The following CSMD1 variants were observed in gnomAD, a reference collection of about 807,000 sequenced individuals.
CSMD1 encodes CUB and Sushi multiple domains 1, also known as CUB and sushi domain-containing protein 1.
Under a neutral mutation model 417.5 loss-of-function variants are expected in CSMD1, and 213 were observed. The ratio of observed to expected loss-of-function variants is 0.51; its 90% CI spans 0.46 to 0.57. The LOEUF (loss-of-function observed/expected upper bound fraction) is 0.57, where lower values mean the gene tolerates loss of function less well. Ranked by LOEUF, CSMD1 falls within the 20% of genes least tolerant of loss-of-function variation. The pLI, the probability that CSMD1 is intolerant of heterozygous loss-of-function variation, is 0.00. For synonymous variants in CSMD1, 2,862 were observed against 1,736.8 expected (o/e 1.65, Z -16.11); for missense variants, 6,923 against 4,529.7 (o/e 1.53, Z -15.17).
In CSMD1 at chr8:4,071,134, C is replaced by G. The variant is rs1471452556; in HGVS notation, c.416-39035G>C. Among the ~76,000 whole-genome samples, 3 of 149,484 alleles carry G rather than the reference C, an allele frequency of 2.0e-5. No homozygotes were observed. The East Asian group carries it at 5.9e-4, about 29-fold the overall frequency. On this transcript the variant is annotated intron_variant, in intron 3 of 69. Transcript: ENST00000635120. ...TTGAGTCTTTTTTTTTCTTTTTTTT[C>G]CAAATTTGGAGAATGTCATCCATTA...
chr8:4,059,355 G>T lies in CSMD1; in HGVS notation c.416-27256C>A, dbSNP rs1378013787. 4.6e-5 allele frequency among the ~76,000 whole-genome samples: 7 copies of T among 151,618 alleles called. No homozygotes were observed. In the East Asian group the frequency reaches 5.8e-4, roughly 13 times the overall value. The stretch of plus-strand genomic sequence containing the variant: ...AGAGAAAGTAGGAAAGATCCAAAAT[G>T]GACACCCTAACATCACAATTAAAAG... On this transcript the variant is annotated intron_variant, in intron 3 of 69. Transcript: ENST00000635120.
intron 3 of CSMD1, among the ~76,000 whole-genome samples, chr8:4,284,882 C>G (rs190645726): frequency 3.7e-4 from 57 of 152,238 alleles, no homozygotes; most frequent in African/African-American, 1.4e-3. Flanking sequence ...TTAAAAAACA[C>G]TTTTCTGTCT....
At chr8:4,001,149 G>C (rs1044012424) in intron 4 of CSMD1, among the ~76,000 whole-genome samples, 1 of 152,156 alleles carries the variant, frequency 6.6e-6, no homozygotes, top group Admixed American at 6.5e-5. Flanking sequence ...CTTTGAAATA[G>C]TCGTATTTAT....
chr8:3,543,177 T>C (rs1212852195), intron 10 of CSMD1, among the ~76,000 whole-genome samples: 1 of 152,180 alleles, frequency 6.6e-6, no homozygotes, highest in Non-Finnish European at 1.5e-5. Flanking sequence ...GACCCAGGCA[T>C]GCTTGATGCT....
At chr8:4,033,242 C>T (rs188330015) in intron 3 of CSMD1, among the ~76,000 whole-genome samples, 2 of 151,264 alleles carry the variant, frequency 1.3e-5, no homozygotes, top group Admixed American at 6.6e-5. Flanking sequence ...AGATCGAGAC[C>T]ATCCTGGCTA....
chr8:2,950,982 A>T (rs908902432), intron 66 of CSMD1, 132 bp downstream of exon 66: 23 of 790,262 alleles, frequency 2.9e-5, no homozygotes, highest in African/African-American at 3.5e-5. Flanking sequence ...AGAGGCTCCA[A>T]TGAGTTACAG....
At chr8:3,231,728 C>G (rs528485425) in intron 26 of CSMD1, among the ~76,000 whole-genome samples, 4 of 152,250 alleles carry the variant, frequency 2.6e-5, no homozygotes, top group Non-Finnish European at 5.9e-5. Flanking sequence ...TCATATGATA[C>G]AGACATCAAG....
chr8:3,248,634 C>A lies in CSMD1; in HGVS notation c.4154-18403G>T, dbSNP rs990682827. On this transcript the variant is annotated intron_variant, in intron 26 of 69. Coordinates refer to ENST00000635120, the MANE Select transcript of CSMD1 (RefSeq NM_033225.6). ...AAGTTCCACCTCCTGGGTTCACGCT[C>A]CCTCACTCTTTTTACTCATGTCAGC... 1.9e-4 allele frequency among the ~76,000 whole-genome samples: 28 copies of A among 149,658 alleles called. No homozygotes were observed. The Admixed American group carries it at 1.9e-3, about 10-fold the overall frequency.
At chr8:3,510,529 A>T (rs926600080) in intron 10 of CSMD1, among the ~76,000 whole-genome samples, 1 of 151,860 alleles carries the variant, frequency 6.6e-6, no homozygotes, top group Non-Finnish European at 1.5e-5. Context: ...GAAGGTCTTT[A>T]AAGAGGTCAA....
At chr8:4,441,095 G>GTTTTTTTGTTTTTTTTTTTTTTTTTTTT (rs1798444805) in intron 2 of CSMD1, among the ~76,000 whole-genome samples, 1 of 51,296 alleles carries the variant, frequency 1.9e-5, no homozygotes, top group Non-Finnish European at 3.6e-5. Flanking sequence ...TAATCAAAAG[G>GTTTTTTTGTTTTTTTTTTTTTTTTTTTT]TTTTTTTTTT....
At chr8:4,884,476 T>G (rs1451633533) in intron 1 of CSMD1, among the ~76,000 whole-genome samples, 1 of 152,016 alleles carries the variant, frequency 6.6e-6, no homozygotes. Context: ...TAGAGATTCA[T>G]GCCTGTGTTT....
At chr8:4,257,313 T>G (rs1034026065) in intron 3 of CSMD1, among the ~76,000 whole-genome samples, 1 of 152,216 alleles carries the variant, frequency 6.6e-6, no homozygotes, top group African/African-American at 2.4e-5. Context: ...AATACAGTTT[T>G]AAATGATAAC....
At chr8:4,827,168 G>C (rs1660997548) in intron 1 of CSMD1, among the ~76,000 whole-genome samples, 1 of 152,100 alleles carries the variant, frequency 6.6e-6, no homozygotes, top group African/African-American at 2.4e-5. Context: ...TACTAGCAAA[G>C]TTTTCGTTGC....
intron 5 of CSMD1, among the ~76,000 whole-genome samples, chr8:3,791,920 C>G (rs932697247): frequency 6.6e-6 from 1 of 152,030 alleles, no homozygotes; most frequent in African/African-American, 2.4e-5. Context: ...ATGGCAAAAA[C>G]CTCAATAGCG....
intron 1 of CSMD1, among the ~76,000 whole-genome samples, chr8:4,988,662 G>C (rs892666802): frequency 1.3e-5 from 2 of 152,270 alleles, no homozygotes; most frequent in Middle Eastern, 3.4e-3. Context: ...ATAGAACAAA[G>C]ATATTTGAAG....
chr8:4,354,592 T>G (rs571040303), intron 3 of CSMD1, among the ~76,000 whole-genome samples: 1 of 152,110 alleles, frequency 6.6e-6, no homozygotes, highest in Non-Finnish European at 1.5e-5. Context: ...TGACTCAACC[T>G]TACCACCTTC....
intron 3 of CSMD1, among the ~76,000 whole-genome samples, chr8:4,079,823 A>C (rs1220746459): frequency 6.6e-6 from 1 of 152,192 alleles, no homozygotes; most frequent in Non-Finnish European, 1.5e-5. Flanking sequence ...TCACGAGAGA[A>C]AACAGTAGCC....
intron 10 of CSMD1, among the ~76,000 whole-genome samples, chr8:3,504,903 C>G (rs1796758941): frequency 1.3e-5 from 2 of 151,926 alleles, no homozygotes; most frequent in African/African-American, 4.8e-5. Context: ...GAAGCAGAAC[C>G]CGTCAAAATG....
At chr8:4,014,178 T>A (rs1423534938) in intron 4 of CSMD1, among the ~76,000 whole-genome samples, 1 of 152,136 alleles carries the variant, frequency 6.6e-6, no homozygotes, top group African/African-American at 2.4e-5. Context: ...AGAAATGCAT[T>A]CATTAAGTTT....
Sources: gnomAD v4.1 joint callset for allele counts (sites outside exome capture counted in the v4.1 genomes callset) on GRCh38, gnomAD v4.1.1 for gene constraint, MANE v1.5 for transcripts, NCBI Gene and HGNC (gene_info 2026-07-23, HGNC 2026-07-21) for gene names.